Variants in DLGAP2 observed in about 807,000 individuals in gnomAD.
DLGAP2 encodes the protein DLG associated protein 2, also known as disks large-associated protein 2.
A neutral mutation model predicts 100.3 loss-of-function variants in DLGAP2; 26 were observed. The ratio of observed to expected loss-of-function variants is 0.26; its 90% CI spans 0.19 to 0.36. The LOEUF (loss-of-function observed/expected upper bound fraction) is 0.36. Among genes scored for constraint, DLGAP2 ranks in the 10% least tolerant of loss-of-function variants. The probability of loss-of-function intolerance (pLI) is 1.00; values close to 1 mark genes in which losing one functional copy is unlikely to be tolerated. For missense variants in DLGAP2, 1,858 were observed against 1,453.2 expected (o/e 1.28, Z -4.53); for synonymous variants, 886 against 630.1 (o/e 1.41, Z -6.08).
chr8:1,481,640 G>A (rs1415518718), intron 3 of DLGAP2, among the ~76,000 whole-genome samples: 3 of 151,612 alleles, frequency 2.0e-5, no homozygotes, highest in Admixed American at 6.6e-5. Context: ...CACCACGCCC[G>A]GCTAATTTTG....
At position 1,216,182 on chromosome 8, in the gene DLGAP2, A is replaced by G. The variant is rs1319861041; in HGVS notation, c.74-42669A>G. Among the ~76,000 whole-genome samples the G allele has an allele frequency of 3.3e-5, 5 of 152,318 alleles. No homozygotes were observed. In the East Asian group the frequency reaches 9.7e-4, roughly 29 times the overall value. On this transcript the variant is annotated intron_variant, in intron 2 of 14. Transcript: ENST00000637795. ...TGTTTGCACACATCTGCAGGGGACTAATAGCTGCGCTTAACCATGTCACAT... is the reference window on the plus strand; with the variant it reads ...TGTTTGCACACATCTGCAGGGGACTGATAGCTGCGCTTAACCATGTCACAT...
At chr8:1,568,355 C>G (rs1477776409) in intron 6 of DLGAP2, among the ~76,000 whole-genome samples, 843 of 74,660 alleles carry the variant, frequency 0.011, 60 homozygotes, top group Middle Eastern at 0.023. Context: ...CCGTGGCCCC[C>G]ATGCCACTGT....
At chr8:787,980 G>GCTCTGTGGTTCAGGATT (rs1554563249) in intron 1 of DLGAP2, among the ~76,000 whole-genome samples, 1 of 152,040 alleles carries the variant, frequency 6.6e-6, no homozygotes, top group African/African-American at 2.4e-5. Flanking sequence ...AAGCCAGGAT[G>GCTCTGTGGTTCAGGATT]CTCTGTGGCT....
intron 2 of DLGAP2, among the ~76,000 whole-genome samples, chr8:1,139,706 C>G (rs552640063): frequency 2.6e-5 from 4 of 152,150 alleles, no homozygotes; most frequent in Non-Finnish European, 4.4e-5. Context: ...CTGTGGCACC[C>G]GACAGGCCCC....
chr8:1,027,296 G>C (rs890807281), intron 2 of DLGAP2, among the ~76,000 whole-genome samples: 3 of 152,020 alleles, frequency 2.0e-5, no homozygotes, highest in African/African-American at 7.3e-5. Flanking sequence ...GTGAGGTGCC[G>C]GGTGCCCATT....
chr8:1,550,100 C>G (rs778905213), intron 5 of DLGAP2, among the ~76,000 whole-genome samples: 6 of 152,178 alleles, frequency 3.9e-5, no homozygotes, highest in Non-Finnish European at 7.3e-5. Flanking sequence ...AGATGCCACC[C>G]GTGAGAGGGA....
chr8:1,486,334 G>C (rs1050963311), intron 3 of DLGAP2, among the ~76,000 whole-genome samples: 1 of 152,234 alleles, frequency 6.6e-6, no homozygotes, highest in South Asian at 2.1e-4. Context: ...CAAGACAGGT[G>C]GGGCCGGAAG....
At chr8:1,453,193 G>A (rs1798211385) in intron 3 of DLGAP2, among the ~76,000 whole-genome samples, 1 of 152,140 alleles carries the variant, frequency 6.6e-6, no homozygotes, top group African/African-American at 2.4e-5. Flanking sequence ...ACTGAGCCCA[G>A]GATGGAAGGT....
intron 2 of DLGAP2, among the ~76,000 whole-genome samples, chr8:926,507 G>A (rs979010908): frequency 4.6e-5 from 7 of 152,292 alleles, no homozygotes; most frequent in South Asian, 4.1e-4. Flanking sequence ...CAGATCCCAG[G>A]AACCCTGAAA....
chr8:1,091,606 C>T (rs372048161), intron 2 of DLGAP2, among the ~76,000 whole-genome samples: 3 of 152,140 alleles, frequency 2.0e-5, no homozygotes, highest in African/African-American at 7.2e-5. Context: ...TTCGGCAGGT[C>T]CCTCCGGCTG....
intron 7 of DLGAP2, among the ~76,000 whole-genome samples, chr8:1,630,702 G>A (rs1278291282): frequency 4.2e-4 from 58 of 136,782 alleles, no homozygotes; most frequent in African/African-American, 1.2e-3. Context: ...ACTCCATCTC[G>A]AAAAAAAAAA....
intron 1 of DLGAP2, among the ~76,000 whole-genome samples, chr8:833,494 CA>C (rs1796818317): frequency 6.6e-6 from 1 of 152,192 alleles, no homozygotes. Context: ...CCTCCATCTG[CA>C]AAGCCAGCAG....
intron 2 of DLGAP2, among the ~76,000 whole-genome samples, chr8:1,216,792 G>T (rs906610258): frequency 3.3e-5 from 5 of 152,004 alleles, no homozygotes; most frequent in Non-Finnish European, 7.4e-5. Context: ...TTCTGAATCT[G>T]TTATGAAGTG....
At chr8:1,316,149 C>T (rs71516172) in intron 3 of DLGAP2, among the ~76,000 whole-genome samples, 48,330 of 87,136 alleles carry the variant, frequency 0.55, 14,167 homozygotes, top group African/African-American at 0.65. Context: ...GCAGCGTCTC[C>T]CCAACAGTGG....
At chr8:1,307,391 A>C (rs1800515018) in intron 3 of DLGAP2, among the ~76,000 whole-genome samples, 2 of 152,228 alleles carry the variant, frequency 1.3e-5, no homozygotes, top group South Asian at 4.1e-4. Flanking sequence ...AAGGATGTGG[A>C]GAAGTTAGAA....
intron 6 of DLGAP2, among the ~76,000 whole-genome samples, chr8:1,591,868 C>A (rs1264434051): frequency 6.6e-6 from 1 of 152,200 alleles, no homozygotes; most frequent in African/African-American, 2.4e-5. Context: ...ATAATTCTGA[C>A]ATGAACTACA....
chr8:1,450,858 A>G (rs780969510), intron 3 of DLGAP2, among the ~76,000 whole-genome samples: 1 of 152,182 alleles, frequency 6.6e-6, no homozygotes, highest in Non-Finnish European at 1.5e-5. Context: ...AAATCATAAT[A>G]TTTATTTTAA....
At chr8:1,078,943 T>TAGTAGA (rs1803711082) in intron 2 of DLGAP2, among the ~76,000 whole-genome samples, 1 of 152,214 alleles carries the variant, frequency 6.6e-6, no homozygotes, top group African/African-American at 2.4e-5. Flanking sequence ...CTGGATTGTC[T>TAGTAGA]AGTAGAAGTA....
chr8:1,469,933 A>G (rs555061926), intron 3 of DLGAP2, among the ~76,000 whole-genome samples: 1 of 151,656 alleles, frequency 6.6e-6, no homozygotes, highest in African/African-American at 2.4e-5. Flanking sequence ...AGGCAGGAGG[A>G]TTGCTTGAGC....
Sources: allele counts gnomAD v4.1 joint callset (sites outside exome capture counted in the v4.1 genomes callset), GRCh38; gene constraint gnomAD v4.1.1; transcripts MANE v1.5; gene names NCBI Gene and HGNC (gene_info 2026-07-23, HGNC 2026-07-21).